ARNT2: variants seen among roughly 807,000 people sequenced by gnomAD.
ARNT2 encodes ARNT protein 2.
Under a neutral mutation model 91.7 loss-of-function variants are expected in ARNT2, and 36 were observed. The ratio of observed to expected loss-of-function variants is 0.39; its 90% CI spans 0.30 to 0.52. ARNT2 has a LOEUF of 0.52. Among genes scored for constraint, ARNT2 ranks in the 20% least tolerant of loss-of-function variants. ARNT2 has a pLI of 0.72. For synonymous variants in ARNT2, 365 were observed against 347.1 expected (o/e 1.05, Z -0.57); for missense variants, 775 against 939.3 (o/e 0.83, Z 2.29).
At chr15:80,409,467 T>C (rs1895651372) in intron 1 of ARNT2, among the ~76,000 whole-genome samples, 1 of 152,204 alleles carries the variant, frequency 6.6e-6, no homozygotes, top group African/African-American at 2.4e-5. Context: ...AGTTTATTTA[T>C]TCATTCACCT....
At position 80,470,545 on chromosome 15, in the gene ARNT2, A is replaced by G. The variant is rs570439464; in HGVS notation, c.408+114A>G. On this transcript the variant is annotated intron_variant, in intron 4 of 18. Coordinates refer to ENST00000303329, the MANE Select transcript of ARNT2 (RefSeq NM_014862.4). ...AGGTTGAGGAAGGAATGAAGCCAACATGTTTTGTTTCCATTTTTCTCCAAG... is the reference window on the plus strand; with the variant it reads ...AGGTTGAGGAAGGAATGAAGCCAACGTGTTTTGTTTCCATTTTTCTCCAAG... 79 of 1,196,274 alleles carry G rather than the reference A, an allele frequency of 6.6e-5. No homozygotes were observed. The South Asian group carries it at 9.5e-4, about 14-fold the overall frequency. The allele number at this position is 1,196,274 out of a possible 1,614,324, so 74.1% of individuals were successfully genotyped here.
chr15:80,405,439 G>A (rs1895585203), intron 1 of ARNT2, among the ~76,000 whole-genome samples: 1 of 152,118 alleles, frequency 6.6e-6, no homozygotes, highest in African/African-American at 2.4e-5. Context: ...AGTCACAGAG[G>A]GCGGCCCCCA....
chr15:80,589,229 A>C (rs1259529278), intron 17 of ARNT2, among the ~76,000 whole-genome samples: 1 of 151,986 alleles, frequency 6.6e-6, no homozygotes, highest in Non-Finnish European at 1.5e-5. Flanking sequence ...AATGATCAAG[A>C]GTGTTGGATA....
Position 80,593,615 on chromosome 15 carries a change from C to T in ARNT2, c.2071C>T (p.Pro691Ser). 1 of 1,600,598 alleles carries T rather than the reference C, an allele frequency of 6.2e-7. No individual in the cohort carries two copies. The highest frequency in any genetic ancestry group is 1.3e-5 in the African/African-American group (1 of 74,904). Reference protein sequence around the residue: ...TEVFQDMLPMPGDPTQGTGNY... With the variant: ...TEVFQDMLPMSGDPTQGTGNY... ...TCCTCTGCAGGACATGCTGCCCATGCCAGGAGATCCAACCCAGGGGACTGG... is the reference window on the plus strand; with the variant it reads ...TCCTCTGCAGGACATGCTGCCCATGTCAGGAGATCCAACCCAGGGGACTGG... The change falls in exon 19 of 19, where the codon CCA becomes TCA. Residue 691 changes from proline to serine, a missense_variant. Transcript: ENST00000303329.
At chr15:80,491,147 G>A (rs1897051032) in intron 5 of ARNT2, among the ~76,000 whole-genome samples, 1 of 152,168 alleles carries the variant, frequency 6.6e-6, no homozygotes, top group Non-Finnish European at 1.5e-5. Flanking sequence ...GAAGGTATTG[G>A]TGGCTCTGGG....
intron 8 of ARNT2, among the ~76,000 whole-genome samples, chr15:80,531,157 C>G (rs913879786): frequency 6.6e-6 from 1 of 152,182 alleles, no homozygotes; most frequent in African/African-American, 2.4e-5. Flanking sequence ...AAATATGTTT[C>G]AATTCACATG....
intron 1 of ARNT2, among the ~76,000 whole-genome samples, chr15:80,443,610 G>A (rs1896230110): frequency 6.6e-6 from 1 of 152,188 alleles, no homozygotes; most frequent in African/African-American, 2.4e-5. Flanking sequence ...ACATATGATA[G>A]GAGGCTGCAC....
At chr15:80,483,927 T>C (rs1255116158) in intron 5 of ARNT2, among the ~76,000 whole-genome samples, 2 of 152,202 alleles carry the variant, frequency 1.3e-5, no homozygotes, top group African/African-American at 2.4e-5. Flanking sequence ...AGTGGAAGAA[T>C]GTCAGGCAGA....
rs989522933 is a variant in ARNT2 at position 80,527,086 on chromosome 15, A to T, written c.877+12681A>T. On this transcript the variant is annotated intron_variant, in intron 8 of 18. Transcript: ENST00000303329. Reference sequence around the variant, plus strand: ...ACCTTAGCTGATGAGATGGAGAGTGATGATTGGCAAAGTCTTCTGGCCTCT... The same window carrying T: ...ACCTTAGCTGATGAGATGGAGAGTGTTGATTGGCAAAGTCTTCTGGCCTCT... Among the ~76,000 whole-genome samples, 6 of 152,294 alleles carry T rather than the reference A, an allele frequency of 3.9e-5. No individual in the cohort carries two copies. In the East Asian group the frequency reaches 1.2e-3, roughly 29 times the overall value.
At chr15:80,513,152 A>G (rs1345371977) in intron 6 of ARNT2, among the ~76,000 whole-genome samples, 3 of 152,238 alleles carry the variant, frequency 2.0e-5, no homozygotes, top group Admixed American at 6.5e-5. Context: ...GGAAATGCAC[A>G]TAAAAAATGG....
intron 8 of ARNT2, 52 bp downstream of exon 8, chr15:80,514,457 G>A (rs1275862287): frequency 6.8e-7 from 1 of 1,480,172 alleles, no homozygotes; most frequent in Non-Finnish European, 9.4e-7. Flanking sequence ...GCTCATACCT[G>A]ACCATGGTGT....
chr15:80,487,615 C>G (rs573872531), intron 5 of ARNT2: 2 of 152,390 alleles, frequency 1.3e-5, no homozygotes, highest in East Asian at 1.9e-4. Context: ...ACTTAGATAG[C>G]TGGTACTTGA....
Position 80,420,322 on chromosome 15 carries a change from G to C in ARNT2, c.31+15776G>C, listed in dbSNP as rs529253413. ...AATTTTGATCTTTTCCTGGACTATT[G>C]ATATTTGGTACAGTACTCTCCCAAG... is the stretch of plus-strand genomic sequence containing the variant. On this transcript the variant is annotated intron_variant, in intron 1 of 18. Transcript: ENST00000303329. Among the ~76,000 whole-genome samples, 9 of 152,154 alleles carry C rather than the reference G, an allele frequency of 5.9e-5. No homozygotes were observed. In the South Asian group the frequency reaches 1.9e-3, roughly 32 times the overall value.
At chr15:80,540,066 T>C (rs1426274882) in intron 8 of ARNT2, among the ~76,000 whole-genome samples, 2 of 152,094 alleles carry the variant, frequency 1.3e-5, no homozygotes, top group African/African-American at 2.4e-5. Context: ...GAAATCAATA[T>C]ATCAAAGAGA....
chr15:80,469,215 A>G (rs1896699838), intron 3 of ARNT2, among the ~76,000 whole-genome samples: 2 of 152,062 alleles, frequency 1.3e-5, no homozygotes, highest in South Asian at 4.2e-4. Context: ...CCTGGGTTGG[A>G]AACATTCTAC....
At chr15:80,558,523 G>A (rs1305584052) in intron 11 of ARNT2, among the ~76,000 whole-genome samples, 2 of 151,738 alleles carry the variant, frequency 1.3e-5, no homozygotes, top group Non-Finnish European at 2.9e-5. Context: ...TATTTTTAGT[G>A]GAGATGGGGT....
At chr15:80,565,868 T>G (rs1371171503) in intron 12 of ARNT2, among the ~76,000 whole-genome samples, 2 of 119,528 alleles carry the variant, frequency 1.7e-5, no homozygotes, top group African/African-American at 2.8e-5. Context: ...GTGGTTGTGT[T>G]TGTTTGTTTT....
At chr15:80,426,883 G>A (rs529361461) in intron 1 of ARNT2, among the ~76,000 whole-genome samples, 6 of 152,210 alleles carry the variant, frequency 3.9e-5, no homozygotes, top group South Asian at 2.1e-4. Context: ...CCTGGCTTGC[G>A]GACAGCCACC....
At chr15:80,564,581 A>T (rs4398072) in intron 12 of ARNT2, among the ~76,000 whole-genome samples, 1,821 of 152,034 alleles carry the variant, frequency 0.012, 37 homozygotes, top group African/African-American at 0.042. Flanking sequence ...TGTTACATGG[A>T]TATATTGCAT....
Sources: allele counts gnomAD v4.1 joint callset (sites outside exome capture counted in the v4.1 genomes callset), GRCh38; gene constraint gnomAD v4.1.1; transcripts MANE v1.5; gene names NCBI Gene and HGNC (gene_info 2026-07-23, HGNC 2026-07-21).